The following SEMA5A variants were observed in gnomAD, a reference collection of about 807,000 sequenced individuals.
SEMA5A encodes the protein semaphorin 5A, also known as semaphorin-5A.
Under a neutral mutation model 135.5 loss-of-function variants are expected in SEMA5A, and 55 were observed. That is an observed-to-expected ratio of 0.41 (90% CI 0.33 to 0.51). The LOEUF is 0.51. Among genes scored for constraint, SEMA5A ranks in the 20% least tolerant of loss-of-function variants. SEMA5A has a pLI of 0.37. For missense variants in SEMA5A, 1,290 were observed against 1,419.9 expected, an observed-to-expected ratio of 0.91 and a Z score of 1.47; for synonymous variants, 580 against 546.5, an observed-to-expected ratio of 1.06 and a Z score of -0.85.
At chr5:9,181,469 G>T (rs1346027523) in intron 11 of SEMA5A, among the ~76,000 whole-genome samples, 1 of 152,074 alleles carries the variant, frequency 6.6e-6, no homozygotes, top group Non-Finnish European at 1.5e-5. Flanking sequence ...CTTCTCCAGT[G>T]GCTGGTTTTT....
At chr5:9,475,558 A>C (rs1361310409) in intron 1 of SEMA5A, among the ~76,000 whole-genome samples, 1 of 152,220 alleles carries the variant, frequency 6.6e-6, no homozygotes, top group Non-Finnish European at 1.5e-5. Context: ...AAAAGTTTTC[A>C]AATGATTTTA....
chr5:9,208,821 T>A (rs2150382783), intron 8 of SEMA5A, among the ~76,000 whole-genome samples: 1 of 152,208 alleles, frequency 6.6e-6, no homozygotes. Context: ...GTTTCCTGGG[T>A]GTGTGGTGTG....
chr5:9,302,900 G>C (rs894539192), intron 5 of SEMA5A, among the ~76,000 whole-genome samples: 1 of 152,004 alleles, frequency 6.6e-6, no homozygotes, highest in Admixed American at 6.6e-5. Context: ...AATTTTGCCT[G>C]TTTTCTTTAT....
intron 1 of SEMA5A, among the ~76,000 whole-genome samples, chr5:9,493,338 T>A (rs919707981): frequency 6.6e-6 from 1 of 151,406 alleles, no homozygotes; most frequent in African/African-American, 2.4e-5. Flanking sequence ...CATACTGTCA[T>A]CTCATATTAA....
intron 8 of SEMA5A, 35 bp from the exon 9 acceptor site, chr5:9,202,275 C>A (rs755494371): frequency 2.9e-5 from 47 of 1,596,412 alleles, no homozygotes; most frequent in South Asian, 2.7e-4. Flanking sequence ...AAAATCTCAA[C>A]ATTCATGTCA....
intron 12 of SEMA5A, among the ~76,000 whole-genome samples, chr5:9,151,581 T>C (rs954005421): frequency 1.3e-5 from 2 of 152,190 alleles, no homozygotes; most frequent in African/African-American, 4.8e-5. Context: ...AAGATTCTTT[T>C]CTCCATGGAA....
chr5:9,266,746 C>T (rs1258338738), intron 5 of SEMA5A, among the ~76,000 whole-genome samples: 1 of 152,194 alleles, frequency 6.6e-6, no homozygotes, highest in Admixed American at 6.5e-5. Flanking sequence ...GCCCATGAAA[C>T]TCTAGCCAAC....
In SEMA5A at chr5:9,218,999, C is replaced by T. The variant is rs186482318; in HGVS notation, c.646+5675G>A. On this transcript the variant is annotated intron_variant, in intron 8 of 22. Coordinates refer to ENST00000382496, the MANE Select transcript of SEMA5A (RefSeq NM_003966.3). ...GCCAGACACTAATACTTATCATCTT[C>T]GTTGTCCCACTTTATTCTCACAATG... 4.1e-3 allele frequency among the ~76,000 whole-genome samples: 632 copies of T among 152,332 alleles called. 2 individuals carry two copies. The highest frequency in any genetic ancestry group is 0.011 in the Admixed American group (166 of 15,302).
intron 18 of SEMA5A, among the ~76,000 whole-genome samples, chr5:9,055,242 C>G (rs1354314570): frequency 6.6e-6 from 1 of 152,226 alleles, no homozygotes; most frequent in Non-Finnish European, 1.5e-5. Flanking sequence ...GTGCCTCTCT[C>G]TTACTAGCCA....
At chr5:9,500,116 T>C (rs911404306) in intron 1 of SEMA5A, among the ~76,000 whole-genome samples, 10 of 152,188 alleles carry the variant, frequency 6.6e-5, no homozygotes, top group Non-Finnish European at 1.3e-4. Context: ...ATGCAACTTT[T>C]TGGAGATAAG....
At chr5:9,303,119 ATT>A (rs527501004) in intron 5 of SEMA5A, among the ~76,000 whole-genome samples, 13 of 142,834 alleles carry the variant, frequency 9.1e-5, no homozygotes, top group African/African-American at 2.0e-4. Context: ...TATATATATA[ATT>A]TTTTTTTTTT....
In SEMA5A at chr5:9,393,981, C is replaced by T. The variant is rs13175270; in HGVS notation, c.-77-13958G>A. ...GCAAAGTAAATATTAGAAATAAGAA[C>T]GTTGAGAGAAAAAAGAATAATATAG... On this transcript the variant is annotated intron_variant, in intron 2 of 22. Coordinates refer to ENST00000382496, the MANE Select transcript of SEMA5A (RefSeq NM_003966.3). Among the ~76,000 whole-genome samples the T allele has an allele frequency of 2.6e-5, 4 of 151,770 alleles. 1 individual carries two copies. Among genetic ancestry groups the T allele is most frequent in the Middle Eastern group, 6.8e-3 (2 of 292 alleles).
At chr5:9,502,572 G>A (rs1735651124) in intron 1 of SEMA5A, among the ~76,000 whole-genome samples, 2 of 152,124 alleles carry the variant, frequency 1.3e-5, no homozygotes, top group South Asian at 2.1e-4. Flanking sequence ...AGCTTACAGA[G>A]TTGCATGGGC....
At position 9,040,676 on chromosome 5, in the gene SEMA5A, T is replaced by C. The variant is rs1263928439; in HGVS notation, c.*2221A>G. On this transcript the variant is annotated 3_prime_UTR_variant, in exon 23 of 23. Coordinates refer to ENST00000382496, the MANE Select transcript of SEMA5A (RefSeq NM_003966.3). Reference sequence around the variant, plus strand: ...TATTATTAACAACATGAAGATCCTGTAGTGAGGGAGGGTGTTTTTCCCAAG... The same window carrying C: ...TATTATTAACAACATGAAGATCCTGCAGTGAGGGAGGGTGTTTTTCCCAAG... 6.6e-6 allele frequency: 1 copy of C among 152,172 alleles called. No homozygotes were observed. Among genetic ancestry groups the C allele is most frequent in the East Asian group, 1.9e-4 (1 of 5,190 alleles). 9.4% of individuals were successfully genotyped at this position (152,172 alleles called of 1,614,324 possible). A position where few individuals can be genotyped will look rare whatever the true frequency, so the allele number is the denominator to read the frequency against.
At chr5:9,058,381 T>C (rs1175377876) in intron 18 of SEMA5A, among the ~76,000 whole-genome samples, 2 of 152,112 alleles carry the variant, frequency 1.3e-5, no homozygotes, top group Non-Finnish European at 2.9e-5. Flanking sequence ...TCCTCCCATG[T>C]TGCTAAAAAT....
At chr5:9,141,243 A>G (rs1352730723) in intron 12 of SEMA5A, among the ~76,000 whole-genome samples, 1 of 152,224 alleles carries the variant, frequency 6.6e-6, no homozygotes, top group African/African-American at 2.4e-5. Flanking sequence ...AAACTGTGGA[A>G]AATCATGGGT....
intron 11 of SEMA5A, among the ~76,000 whole-genome samples, chr5:9,187,960 C>G (rs557329781): frequency 6.6e-6 from 1 of 152,248 alleles, no homozygotes; most frequent in African/African-American, 2.4e-5. Context: ...TTTCTAGAAA[C>G]TTTTAAATAG....
intron 1 of SEMA5A, among the ~76,000 whole-genome samples, chr5:9,534,542 G>A (rs1737641129): frequency 6.6e-6 from 1 of 152,142 alleles, no homozygotes; most frequent in African/African-American, 2.4e-5. Context: ...ACTCTGAGGG[G>A]CAAGCCAGCC....
chr5:9,388,755 C>T (rs752231327), intron 2 of SEMA5A, among the ~76,000 whole-genome samples: 14 of 151,980 alleles, frequency 9.2e-5, no homozygotes, highest in Non-Finnish European at 1.8e-4. Context: ...AAAAATTAGC[C>T]GGGCATGGTA....
Sources: gnomAD v4.1 joint callset for allele counts (sites outside exome capture counted in the v4.1 genomes callset) on GRCh38, gnomAD v4.1.1 for gene constraint, MANE v1.5 for transcripts, NCBI Gene and HGNC (gene_info 2026-07-23, HGNC 2026-07-21) for gene names.